The following TENM1 variants were observed in gnomAD, a reference collection of about 807,000 sequenced individuals.
TENM1 encodes teneurin transmembrane protein 1.
Under a neutral mutation model 174.8 loss-of-function variants are expected in TENM1, and 35 were observed. The observed-to-expected ratio is 0.20, with a 90% confidence interval of 0.15 to 0.27. TENM1 has a LOEUF of 0.27. Ranked by LOEUF, TENM1 falls within the 10% of genes least tolerant of loss-of-function variation. TENM1 has a pLI of 1.00. For missense variants in TENM1, 1,633 were observed against 2,130.1 expected (o/e 0.77, Z 4.59); for synonymous variants, 781 against 798.7 (o/e 0.98, Z 0.37).
intron 14 of TENM1, among the ~76,000 whole-genome samples, chrX:124,552,879 A>G (rs1161890842): frequency 1.8e-5 from 2 of 111,448 alleles, no homozygotes; most frequent in Non-Finnish European, 3.8e-5. Context: ...TTCAAATGTC[A>G]TCTTCTTAGT....
At chrX:124,569,977 G>A (rs2049022325) in intron 11 of TENM1, among the ~76,000 whole-genome samples, 1 of 111,375 alleles carries the variant, frequency 9.0e-6, no homozygotes, top group African/African-American at 3.3e-5. Context: ...TCCCGGTGGA[G>A]ACTGATCAAG....
chrX:125,039,840 C>T, the TENM1 span, among the ~76,000 whole-genome samples: 4 of 110,284 alleles, frequency 3.6e-5, no homozygotes, highest in African/African-American at 1.0e-4. Flanking sequence ...TAACCTTGAT[C>T]AGATTGAATG....
intron 3 of TENM1, among the ~76,000 whole-genome samples, chrX:124,772,408 A>G (rs1038912256): frequency 8.9e-6 from 1 of 112,077 alleles, no homozygotes; most frequent in Non-Finnish European, 1.9e-5. Flanking sequence ...GTGCTGGGAT[A>G]ACAAGCGTGA....
At chrX:125,184,088 A>G in the TENM1 span, among the ~76,000 whole-genome samples, 1 of 111,720 alleles carries the variant, frequency 9.0e-6, no homozygotes, top group African/African-American at 3.3e-5. Context: ...CTTTTCTACT[A>G]TGTCATGTTG....
the TENM1 span, among the ~76,000 whole-genome samples, chrX:124,985,145 A>G: frequency 0.2 from 22,753 of 111,515 alleles, 1,953 homozygotes; most frequent in Non-Finnish European, 0.27. Context: ...GATTCAGCCA[A>G]TACTCTAATA....
intron 10 of TENM1, among the ~76,000 whole-genome samples, chrX:124,644,042 G>T (rs1053411194): frequency 3.8e-5 from 3 of 79,472 alleles, no homozygotes; most frequent in Non-Finnish European, 6.9e-5. Flanking sequence ...TAATATAAAT[G>T]GCATATATAT....
chrX:124,504,026 A>G (rs756553477), intron 18 of TENM1, among the ~76,000 whole-genome samples: 9 of 111,477 alleles, frequency 8.1e-5, no homozygotes, highest in Non-Finnish European at 1.5e-4. Flanking sequence ...AACTGAAGAG[A>G]GATGCTTTCT....
At chrX:124,691,378 T>G (rs1344024423) in intron 5 of TENM1, among the ~76,000 whole-genome samples, 1 of 112,133 alleles carries the variant, frequency 8.9e-6, no homozygotes, top group Non-Finnish European at 1.9e-5. Flanking sequence ...CTTAAAAATA[T>G]GAAAAGATAG....
exon 32 of TENM1, chrX:124,380,156 G>A (rs6648597): frequency 0.3 from 39,338 of 129,796 alleles, 4,969 homozygotes; most frequent in African/African-American, 0.5. Context: ...CAAATAGCCC[G>A]TAAGTTCTGC....
intron 27 of TENM1, among the ~76,000 whole-genome samples, chrX:124,398,144 C>G (rs1325185024): frequency 9.2e-6 from 1 of 108,767 alleles, no homozygotes; most frequent in African/African-American, 3.3e-5. Flanking sequence ...AGGAGAACTG[C>G]TCGAACAGAG....
chrX:124,394,103 T>G (rs2060310199), intron 27 of TENM1, among the ~76,000 whole-genome samples: 1 of 112,185 alleles, frequency 8.9e-6, no homozygotes, highest in South Asian at 3.7e-4. Flanking sequence ...CTTAGTGTAC[T>G]AGATTTATAT....
intron 3 of TENM1, among the ~76,000 whole-genome samples, chrX:124,882,916 T>G (rs1425000804): frequency 8.9e-6 from 1 of 112,320 alleles, no homozygotes; most frequent in Non-Finnish European, 1.9e-5. Flanking sequence ...TTGTGTCATC[T>G]CTGATTTCTT....
At chrX:125,147,497 ACT>A in the TENM1 span, among the ~76,000 whole-genome samples, 1 of 110,886 alleles carries the variant, frequency 9.0e-6, no homozygotes, top group Non-Finnish European at 1.9e-5. Context: ...GCCATAATAG[ACT>A]CTCTACTTAA....
In TENM1 at chrX:124,743,050, C is replaced by T. The variant is rs755169502; in HGVS notation, c.536-5853G>A. Among the ~76,000 whole-genome samples, 18 of 111,585 alleles carry T rather than the reference C, an allele frequency of 1.6e-4. 1 individual carries two copies. The South Asian group carries it at 6.7e-3, about 42-fold the overall frequency. On this transcript the variant is annotated intron_variant, in intron 3 of 31. Coordinates refer to ENST00000422452, the Ensembl canonical transcript of TENM1. ...ATGTTACTACTTAATGGTATTTTACCTGTCACAAAGAGCTTTTGTAACTTG... is the reference window on the plus strand; with the variant it reads ...ATGTTACTACTTAATGGTATTTTACTTGTCACAAAGAGCTTTTGTAACTTG...
chrX:125,084,089 T>C, the TENM1 span, among the ~76,000 whole-genome samples: 13 of 110,990 alleles, frequency 1.2e-4, no homozygotes, highest in East Asian at 3.4e-3. Flanking sequence ...AGTTGAGAGG[T>C]AGATCTTTTC....
exon 32 of TENM1, chrX:124,380,376 A>G: frequency 2.2e-6 from 1 of 461,274 alleles, no homozygotes. Flanking sequence ...TAAACAAACA[A>G]TATTAAAATA....
chrX:124,552,309 C>T (rs35537577), intron 14 of TENM1, among the ~76,000 whole-genome samples: 8,348 of 111,296 alleles, frequency 0.075, 559 homozygotes, highest in East Asian at 0.56. Context: ...TAAAGCAGGC[C>T]TCCTACTAGG....
At chrX:124,783,124 T>C (rs1410500072) in intron 3 of TENM1, among the ~76,000 whole-genome samples, 1 of 112,111 alleles carries the variant, frequency 8.9e-6, no homozygotes, top group Non-Finnish European at 1.9e-5. Context: ...GTGTACTCAG[T>C]CTGCAAGTTT....
intron 28 of TENM1, 34 bp downstream of exon 31, chrX:124,392,018 A>G (rs770445066): frequency 8.8e-7 from 1 of 1,133,464 alleles, no homozygotes; most frequent in Non-Finnish European, 1.2e-6. Context: ...TCATTCAGAA[A>G]CTTGAAACTT....
Sources: allele counts gnomAD v4.1 joint callset (sites outside exome capture counted in the v4.1 genomes callset), GRCh38; gene constraint gnomAD v4.1.1; transcripts MANE v1.5; gene names NCBI Gene and HGNC (gene_info 2026-07-23, HGNC 2026-07-21).